The following MAP4K4 variants were observed in gnomAD, a reference collection of about 807,000 sequenced individuals.
MAP4K4 encodes the protein mitogen-activated protein kinase kinase kinase kinase 4, also known as HPK/GCK-like kinase HGK.
MAP4K4 carries 38 observed loss-of-function variants against 189.6 expected under a neutral mutation model. That is an observed-to-expected ratio of 0.20 (90% CI 0.15 to 0.26). The LOEUF (loss-of-function observed/expected upper bound fraction) is 0.26. Ranked by LOEUF, MAP4K4 falls within the 10% of genes least tolerant of loss-of-function variation. The pLI, the probability that MAP4K4 is intolerant of heterozygous loss-of-function variation, is 1.00. For missense variants in MAP4K4, 1,054 were observed against 1,726.9 expected (o/e 0.61, Z 6.91); for synonymous variants, 610 against 624.3 (o/e 0.98, Z 0.34).
chr2:101,867,644 C>T (rs1262441191), intron 20 of MAP4K4: 2 of 336,386 alleles, frequency 5.9e-6, no homozygotes, highest in Non-Finnish European at 1.1e-5. Context: ...AAAAAAAATA[C>T]AAAAGAAAGA....
intron 31 of MAP4K4, 75 bp downstream of exon 31, chr2:101,888,012 G>A: frequency 1.5e-6 from 2 of 1,347,884 alleles, no homozygotes; most frequent in South Asian, 1.5e-5. Context: ...TTATCATGCT[G>A]ATTTTGTATG....
At chr2:101,808,640 C>T (rs12611627) in intron 3 of MAP4K4, among the ~76,000 whole-genome samples, 36,850 of 146,642 alleles carry the variant, frequency 0.25, 5,406 homozygotes, top group Non-Finnish European at 0.31. Flanking sequence ...ATTTAAGTGA[C>T]GTTTAAAATT....
At chr2:101,853,318 C>A (rs2097345191) in intron 12 of MAP4K4, among the ~76,000 whole-genome samples, 1 of 152,154 alleles carries the variant, frequency 6.6e-6, no homozygotes, top group Admixed American at 6.6e-5. Context: ...GGGAACAGAG[C>A]AAAGCATCTC....
At chr2:101,869,592 T>G in intron 21 of MAP4K4, 30 bp from the exon 22 acceptor site, 1 of 1,580,360 alleles carries the variant, frequency 6.3e-7, no homozygotes, top group Non-Finnish European at 8.7e-7. Context: ...CCTGCTTGCC[T>G]TACTCTCTCT....
At chr2:101,801,757 A>G (rs1018546569) in intron 3 of MAP4K4, among the ~76,000 whole-genome samples, 3 of 152,102 alleles carry the variant, frequency 2.0e-5, no homozygotes, top group East Asian at 1.9e-4. Flanking sequence ...TGCTGCATTG[A>G]TGTATCACCT....
At chr2:101,893,158 T>C (rs775896886) in exon 33 of MAP4K4, 3 of 456,256 alleles carry the variant, frequency 6.6e-6, no homozygotes, top group South Asian at 1.5e-5. Context: ...TTCCATCTTT[T>C]TGAAAAAGGC....
At chr2:101,845,445 A>G (rs1179749418) in intron 12 of MAP4K4, among the ~76,000 whole-genome samples, 1 of 152,178 alleles carries the variant, frequency 6.6e-6, no homozygotes, top group Non-Finnish European at 1.5e-5. Context: ...TCATTAGGTG[A>G]TCCGTCATTG....
At chr2:101,885,873 T>A (rs2098472885) in intron 29 of MAP4K4, among the ~76,000 whole-genome samples, 1 of 152,204 alleles carries the variant, frequency 6.6e-6, no homozygotes, top group Non-Finnish European at 1.5e-5. Flanking sequence ...AATGATGGAG[T>A]ACTTAGTCTT....
intron 2 of MAP4K4, among the ~76,000 whole-genome samples, chr2:101,710,689 T>A (rs2044943779): frequency 6.6e-6 from 1 of 152,144 alleles, no homozygotes; most frequent in African/African-American, 2.4e-5. Context: ...ACATGACAGC[T>A]AAGTTAGAGC....
chr2:101,816,673 A>C (rs954243309), intron 3 of MAP4K4, among the ~76,000 whole-genome samples: 2 of 152,146 alleles, frequency 1.3e-5, no homozygotes, highest in Non-Finnish European at 2.9e-5. Context: ...TTAAGTCTGG[A>C]AAGAGCCGAT....
exon 33 of MAP4K4, chr2:101,894,588 C>T (rs892637587): frequency 6.5e-6 from 1 of 152,704 alleles, no homozygotes; most frequent in African/African-American, 2.4e-5. Flanking sequence ...GTGGCAAGTA[C>T]ACAGCCCTTT....
chr2:101,747,774 A>C (rs1264370368), intron 2 of MAP4K4, among the ~76,000 whole-genome samples: 1 of 152,336 alleles, frequency 6.6e-6, no homozygotes. Context: ...ACAGATCCCA[A>C]ATATCATTTT....
intron 29 of MAP4K4, among the ~76,000 whole-genome samples, chr2:101,886,026 T>C (rs985279562): frequency 1.3e-5 from 2 of 152,182 alleles, no homozygotes; most frequent in Admixed American, 6.5e-5. Context: ...TTTGCAAAAT[T>C]TGTGTTTTTG....
intron 12 of MAP4K4, among the ~76,000 whole-genome samples, chr2:101,855,548 GCTT>G (rs2097426630): frequency 6.6e-6 from 1 of 152,060 alleles, no homozygotes; most frequent in African/African-American, 2.4e-5. Flanking sequence ...CCTGATGTGT[GCTT>G]CTTTTTTTCC....
At chr2:101,706,195 A>G (rs1280862568) in intron 2 of MAP4K4, among the ~76,000 whole-genome samples, 1 of 152,158 alleles carries the variant, frequency 6.6e-6, no homozygotes, top group African/African-American at 2.4e-5. Context: ...TTATTGCTAT[A>G]TTTGTAAATT....
chr2:101,776,720 G>A (rs61105235), intron 2 of MAP4K4, among the ~76,000 whole-genome samples: 1 of 151,946 alleles, frequency 6.6e-6, no homozygotes, highest in Non-Finnish European at 1.5e-5. Flanking sequence ...AGAGCCAATT[G>A]CCTTAATCAG....
At chr2:101,777,949 C>T (rs2085155244) in intron 2 of MAP4K4, among the ~76,000 whole-genome samples, 1 of 152,142 alleles carries the variant, frequency 6.6e-6, no homozygotes, top group South Asian at 2.1e-4. Context: ...TTTCTTTTTA[C>T]TTTTAATATT....
rs558503992 is a variant in MAP4K4 at position 101,850,292 on chromosome 2, G to GA, written c.1234-5677dup. On this transcript the variant is annotated intron_variant, in intron 12 of 32. Coordinates refer to ENST00000324219, the Ensembl canonical transcript of MAP4K4. Reference sequence around the variant, plus strand: ...CATTGAAAACAAAGGGAAGCAAGAGGAAAAAAAACTCTGTGTGAAATGGGA... The same window carrying GA: ...CATTGAAAACAAAGGGAAGCAAGAGGAAAAAAAAACTCTGTGTGAAATGGGA... 9.2e-5 allele frequency among the ~76,000 whole-genome samples: 14 copies of GA among 151,968 alleles called. No homozygotes were observed. The South Asian group carries it at 1.0e-3, about 11-fold the overall frequency.
chr2:101,779,677 A>G (rs955447000), intron 2 of MAP4K4, among the ~76,000 whole-genome samples: 5 of 152,064 alleles, frequency 3.3e-5, no homozygotes, highest in Non-Finnish European at 7.4e-5. Flanking sequence ...TGGACATGGT[A>G]TGAGTTTGCA....
Sources: allele counts gnomAD v4.1 joint callset (sites outside exome capture counted in the v4.1 genomes callset), GRCh38; gene constraint gnomAD v4.1.1; transcripts MANE v1.5; gene names NCBI Gene and HGNC (gene_info 2026-07-23, HGNC 2026-07-21).